Variants in AGBL4 observed in about 807,000 individuals in gnomAD.
AGBL4 encodes the protein cytosolic carboxypeptidase 6.
AGBL4 carries 58 observed loss-of-function variants against 66.4 expected under a neutral mutation model. That is an observed-to-expected ratio of 0.87 (90% CI 0.71 to 1.09). The LOEUF (loss-of-function observed/expected upper bound fraction) is 1.09, where lower values mean the gene tolerates loss of function less well. Ranked by LOEUF, AGBL4 falls within the 50% of genes least tolerant of loss-of-function variation. The pLI is 0.00. For synonymous variants in AGBL4, 234 were observed against 222.9 expected (o/e 1.05, Z -0.44); for missense variants, 579 against 631.0 (o/e 0.92, Z 0.88).
intron 8 of AGBL4, chr1:48,647,629 C>T (rs1232143263): frequency 4.4e-6 from 2 of 451,930 alleles, no homozygotes; most frequent in African/African-American, 4.0e-5. Context: ...GCAAACCCAA[C>T]ACAGGGTTTC....
chr1:49,203,416 G>A (rs919072792), intron 4 of AGBL4, among the ~76,000 whole-genome samples: 1 of 152,110 alleles, frequency 6.6e-6, no homozygotes, highest in African/African-American at 2.4e-5. Flanking sequence ...TAGTATATAT[G>A]CAATGGAATA....
rs145724376 is a variant in AGBL4, at chr1:49,190,213, C to T, written c.377+55557G>A. Among the ~76,000 whole-genome samples, 4 of 152,290 alleles carry T rather than the reference C, an allele frequency of 2.6e-5. No homozygotes were observed. In the East Asian group the frequency reaches 7.7e-4, roughly 29 times the overall value. Reference sequence around the variant, plus strand: ...CTGCCCATGAGTCTAAAGCCGCACACAAAGTTTCTAAGATAAGCAGGGCTA... The same window carrying T: ...CTGCCCATGAGTCTAAAGCCGCACATAAAGTTTCTAAGATAAGCAGGGCTA... On this transcript the variant is annotated intron_variant, in intron 4 of 13. Coordinates refer to ENST00000371839, the MANE Select transcript of AGBL4 (RefSeq NM_032785.4).
At position 50,014,643 on chromosome 1, in the gene AGBL4, A is replaced by G. The variant is rs1000203334; in HGVS notation, c.34+9120T>C. 1.8e-4 allele frequency among the ~76,000 whole-genome samples: 26 copies of G among 148,468 alleles called. No homozygotes were observed. The South Asian group carries it at 4.5e-3, about 26-fold the overall frequency. On this transcript the variant is annotated intron_variant, in intron 1 of 13. Coordinates refer to ENST00000371839, the MANE Select transcript of AGBL4 (RefSeq NM_032785.4). ...AGGCTCAAGCAATTCTCCTGCCTCA[A>G]CCTCCTGAGTAGCTGGGACTACAGG...
chr1:49,141,827 A>G (rs1328217051), intron 4 of AGBL4, among the ~76,000 whole-genome samples: 2 of 152,222 alleles, frequency 1.3e-5, no homozygotes, highest in African/African-American at 4.8e-5. Flanking sequence ...AAAACTGTGC[A>G]GCTTCTGATT....
intron 3 of AGBL4, among the ~76,000 whole-genome samples, chr1:49,548,361 G>A (rs1175114193): frequency 6.6e-6 from 1 of 152,176 alleles, no homozygotes; most frequent in Non-Finnish European, 1.5e-5. Flanking sequence ...TTGTGAGAGT[G>A]GGCATCCTTG....
At chr1:48,715,290 G>A (rs1047249394) in intron 6 of AGBL4, among the ~76,000 whole-genome samples, 2 of 152,164 alleles carry the variant, frequency 1.3e-5, no homozygotes, top group African/African-American at 4.8e-5. Flanking sequence ...GGACACTCAA[G>A]GAGAACCAAC....
chr1:49,688,287 T>G (rs917293476), intron 3 of AGBL4, among the ~76,000 whole-genome samples: 1 of 152,176 alleles, frequency 6.6e-6, no homozygotes, highest in African/African-American at 2.4e-5. Flanking sequence ...TTGTTTTAAT[T>G]TTTAGCTAAT....
intron 6 of AGBL4, among the ~76,000 whole-genome samples, chr1:48,846,840 A>G (rs1234764202): frequency 6.6e-6 from 1 of 152,076 alleles, no homozygotes; most frequent in African/African-American, 2.4e-5. Context: ...TTACTCTTGA[A>G]CAACATAAAA....
intron 2 of AGBL4, among the ~76,000 whole-genome samples, chr1:49,803,517 T>C (rs535590554): frequency 6.6e-6 from 1 of 152,324 alleles, no homozygotes; most frequent in South Asian, 2.1e-4. Flanking sequence ...GCATTGTTTA[T>C]TGAAATTAAA....
At chr1:50,003,900 C>A (rs1294809606) in intron 1 of AGBL4, among the ~76,000 whole-genome samples, 2 of 152,162 alleles carry the variant, frequency 1.3e-5, no homozygotes, top group Non-Finnish European at 2.9e-5. Context: ...CTCCATCAAT[C>A]ATCCTTCCCA....
At chr1:49,405,907 T>A (rs1645186224) in intron 3 of AGBL4, among the ~76,000 whole-genome samples, 1 of 152,210 alleles carries the variant, frequency 6.6e-6, no homozygotes, top group South Asian at 2.1e-4. Flanking sequence ...TATCTGCACA[T>A]TTGGAAGAAT....
intron 4 of AGBL4, among the ~76,000 whole-genome samples, chr1:49,123,262 A>C (rs1645698013): frequency 6.6e-6 from 1 of 152,208 alleles, no homozygotes; most frequent in African/African-American, 2.4e-5. Flanking sequence ...ATAGATGAAT[A>C]TTTAATTCTT....
chr1:49,302,605 ATTTTTTTATTTTATT>A lies in AGBL4; in HGVS notation c.283-56756_283-56742del, dbSNP rs1372860059. ...TTTATTTTATTTTATATTTTATTTT[ATTTTTTTATTTTATT>A]TTATTTTATTTTATTTTATTTTATT... On this transcript the variant is annotated intron_variant, in intron 3 of 13. Coordinates refer to ENST00000371839, the MANE Select transcript of AGBL4 (RefSeq NM_032785.4). Among the ~76,000 whole-genome samples, 190 of 84,468 alleles carry A rather than the reference ATTTTTTTATTTTATT, an allele frequency of 2.2e-3. 3 individuals carry two copies. The highest frequency in any genetic ancestry group is 4.9e-3 in the South Asian group (13 of 2,644). The allele number at this position is 84,468 out of a possible 152,430, so 55.4% of individuals were successfully genotyped here. A position where few individuals can be genotyped will look rare whatever the true frequency, so the allele number is the denominator to read the frequency against.
intron 2 of AGBL4, among the ~76,000 whole-genome samples, chr1:49,839,323 T>C (rs189163483): frequency 1.7e-4 from 26 of 152,294 alleles, no homozygotes; most frequent in Admixed American, 1.4e-3. Flanking sequence ...TGGTCTACAG[T>C]TACAGAGTTA....
chr1:49,014,033 T>A (rs1174495877), intron 5 of AGBL4, among the ~76,000 whole-genome samples: 1 of 152,212 alleles, frequency 6.6e-6, no homozygotes, highest in Non-Finnish European at 1.5e-5. Flanking sequence ...ATATTAGGAA[T>A]GTTAAAAGTC....
chr1:49,824,547 T>C (rs950242388), intron 2 of AGBL4, among the ~76,000 whole-genome samples: 3 of 152,314 alleles, frequency 2.0e-5, no homozygotes, highest in Admixed American at 1.3e-4. Flanking sequence ...AACCAACCTA[T>C]GGTTTCAGAA....
intron 1 of AGBL4, among the ~76,000 whole-genome samples, chr1:49,856,115 G>A (rs904943973): frequency 6.6e-6 from 1 of 151,948 alleles, no homozygotes; most frequent in Non-Finnish European, 1.5e-5. Context: ...GAACAACCAT[G>A]TGCTATCAAA....
chr1:49,203,419 A>T (rs1182770344), intron 4 of AGBL4, among the ~76,000 whole-genome samples: 3 of 152,196 alleles, frequency 2.0e-5, no homozygotes, highest in Non-Finnish European at 4.4e-5. Context: ...TATATATGCA[A>T]TGGAATATTA....
At chr1:49,782,625 A>C (rs1644363161) in intron 2 of AGBL4, among the ~76,000 whole-genome samples, 1 of 152,204 alleles carries the variant, frequency 6.6e-6, no homozygotes, top group Non-Finnish European at 1.5e-5. Flanking sequence ...TTGGAAACTT[A>C]ATAGCCAATG....
Sources: allele counts gnomAD v4.1 joint callset (sites outside exome capture counted in the v4.1 genomes callset), GRCh38; gene constraint gnomAD v4.1.1; transcripts MANE v1.5; gene names NCBI Gene and HGNC (gene_info 2026-07-23, HGNC 2026-07-21).